The following ATP8A2 variants were observed in gnomAD, a reference collection of about 807,000 sequenced individuals.
ATP8A2 encodes the protein phospholipid-transporting ATPase IB.
ATP8A2 carries 100 observed loss-of-function variants against 165.6 expected under a neutral mutation model. That is an observed-to-expected ratio of 0.60 (90% confidence interval 0.51 to 0.71). ATP8A2 has a LOEUF of 0.71. Among genes scored for constraint, ATP8A2 ranks in the 30% least tolerant of loss-of-function variants. The probability of loss-of-function intolerance (pLI) is 0.00; values close to 1 mark genes in which losing one functional copy is unlikely to be tolerated. For missense variants in ATP8A2, 1,227 were observed against 1,479.5 expected (o/e 0.83, Z 2.80); for synonymous variants, 543 against 548.8 (o/e 0.99, Z 0.15).
chr13:25,794,974 G>A (rs920294496), intron 27 of ATP8A2, among the ~76,000 whole-genome samples: 6 of 151,726 alleles, frequency 4.0e-5, no homozygotes, highest in Admixed American at 2.0e-4. Flanking sequence ...TTGTAATCTC[G>A]GTAGCTCAGC....
At chr13:25,435,017 C>T (rs945993964) in intron 1 of ATP8A2, among the ~76,000 whole-genome samples, 2 of 152,062 alleles carry the variant, frequency 1.3e-5, no homozygotes, top group African/African-American at 4.8e-5. Context: ...TCTATGCATC[C>T]GTTCTGTGCT....
At chr13:25,980,028 A>G (rs981723771) in intron 35 of ATP8A2, among the ~76,000 whole-genome samples, 6 of 152,208 alleles carry the variant, frequency 3.9e-5, no homozygotes, top group Non-Finnish European at 5.9e-5. Context: ...GGAAAACCGT[A>G]TGTATTTTTA....
At chr13:25,820,958 T>A (rs923232520) in intron 27 of ATP8A2, among the ~76,000 whole-genome samples, 1 of 152,040 alleles carries the variant, frequency 6.6e-6, no homozygotes, top group Non-Finnish European at 1.5e-5. Context: ...TGTTTTTTTT[T>A]TTCTCTACCA....
At chr13:25,648,875 T>C (rs2041743861) in intron 24 of ATP8A2, 1 of 389,580 alleles carries the variant, frequency 2.6e-6, no homozygotes, top group Non-Finnish European at 5.0e-6. Context: ...CTTGATCTGC[T>C]GTTGGTTGAA....
chr13:25,543,167 C>A, intron 9 of ATP8A2, 124 bp from the exon 10 acceptor site: 1 of 583,132 alleles, frequency 1.7e-6, no homozygotes. Context: ...CTGTGTTTCT[C>A]AGTGAAGTAG....
intron 33 of ATP8A2, among the ~76,000 whole-genome samples, chr13:25,938,945 C>A (rs906874374): frequency 8.6e-5 from 13 of 151,918 alleles, no homozygotes; most frequent in African/African-American, 2.9e-4. Context: ...CTGGTTCAAG[C>A]GATTCTCTTG....
At chr13:25,583,529 C>T (rs1207593252) in intron 23 of ATP8A2, among the ~76,000 whole-genome samples, 1 of 152,124 alleles carries the variant, frequency 6.6e-6, no homozygotes, top group Non-Finnish European at 1.5e-5. Flanking sequence ...TGGATGTGCC[C>T]TGGCTGGAAA....
chr13:25,477,212 C>T (rs560455730), intron 2 of ATP8A2, among the ~76,000 whole-genome samples: 1 of 152,262 alleles, frequency 6.6e-6, no homozygotes, highest in Non-Finnish European at 1.5e-5. Context: ...TGTGCCATTT[C>T]CACTGTTTAA....
chr13:25,539,596 C>T lies in ATP8A2; in HGVS notation c.582-723C>T, dbSNP rs376270026. Among the ~76,000 whole-genome samples, 25 of 152,122 alleles carry T rather than the reference C, an allele frequency of 1.6e-4. No individual in the cohort carries two copies. In the East Asian group the frequency reaches 2.7e-3, roughly 16 times the overall value. ...TTTTGTACATGACAAGATTGAGATA[C>T]GGAGAGACTAAACAATTTGCCAAGG... is the stretch of plus-strand genomic sequence containing the variant. On this transcript the variant is annotated intron_variant, in intron 7 of 36. Coordinates refer to ENST00000381655, the MANE Select transcript of ATP8A2 (RefSeq NM_016529.6).
At chr13:25,838,696 A>G (rs1006914055) in intron 29 of ATP8A2, among the ~76,000 whole-genome samples, 14 of 152,092 alleles carry the variant, frequency 9.2e-5, no homozygotes, top group Admixed American at 7.9e-4. Context: ...CTCAAACTAT[A>G]TGATAATTTC....
chr13:25,882,997 C>T (rs1021316008), intron 33 of ATP8A2, among the ~76,000 whole-genome samples: 1 of 151,914 alleles, frequency 6.6e-6, no homozygotes, highest in Non-Finnish European at 1.5e-5. Flanking sequence ...ACAAGCTGGG[C>T]ACTTTATTCA....
intron 30 of ATP8A2, among the ~76,000 whole-genome samples, chr13:25,850,412 C>T (rs531183200): frequency 6.7e-6 from 1 of 149,884 alleles, no homozygotes; most frequent in Admixed American, 6.7e-5. Flanking sequence ...ACCTTTCCAC[C>T]TCCGCGCCCA....
intron 24 of ATP8A2, among the ~76,000 whole-genome samples, chr13:25,638,694 C>A (rs1044822933): frequency 1.3e-5 from 2 of 152,122 alleles, no homozygotes; most frequent in African/African-American, 4.8e-5. Context: ...AGGATGTTAT[C>A]CTGGAGAACT....
chr13:25,692,998 T>G (rs570781737), intron 24 of ATP8A2, among the ~76,000 whole-genome samples: 1 of 152,354 alleles, frequency 6.6e-6, no homozygotes, highest in African/African-American at 2.4e-5. Context: ...GGAATATTTT[T>G]TATCTTTCTG....
chr13:25,877,315 G>A (rs1952843407), intron 33 of ATP8A2, among the ~76,000 whole-genome samples: 1 of 152,184 alleles, frequency 6.6e-6, no homozygotes, highest in African/African-American at 2.4e-5. Flanking sequence ...GAAAGTTACA[G>A]TTTGGGTCCA....
intron 10 of ATP8A2, among the ~76,000 whole-genome samples, chr13:25,545,630 T>TTTTG (rs929546262): frequency 1.7e-4 from 26 of 152,274 alleles, no homozygotes; most frequent in African/African-American, 5.8e-4. Flanking sequence ...TACTTCTGGC[T>TTTTG]TTTGTTTGTT....
chr13:25,781,770 C>T lies in ATP8A2; in HGVS notation c.2679+6811C>T, dbSNP rs2044886107. Among the ~76,000 whole-genome samples, 4 of 152,154 alleles carry T rather than the reference C, an allele frequency of 2.6e-5. No homozygotes were observed. The South Asian group carries it at 8.3e-4, about 32-fold the overall frequency. ...GCCTCCTGAGCTGTTGAGATTACTA[C>T]AGGCGTGACCCCTTTGCCCGACCTT... On this transcript the variant is annotated intron_variant, in intron 27 of 36. Transcript: ENST00000381655.
At chr13:25,438,537 A>T (rs945879696) in intron 1 of ATP8A2, among the ~76,000 whole-genome samples, 1 of 152,078 alleles carries the variant, frequency 6.6e-6, no homozygotes, top group African/African-American at 2.4e-5. Flanking sequence ...GCTACTCTGG[A>T]GGCTGAGGTG....
intron 2 of ATP8A2, among the ~76,000 whole-genome samples, chr13:25,513,198 A>G (rs1179945253): frequency 6.7e-6 from 1 of 149,846 alleles, no homozygotes; most frequent in Non-Finnish European, 1.5e-5. Flanking sequence ...CTCACTTCTC[A>G]GACGGTGCGG....
Sources: allele counts gnomAD v4.1 joint callset (sites outside exome capture counted in the v4.1 genomes callset), GRCh38; gene constraint gnomAD v4.1.1; transcripts MANE v1.5; gene names NCBI Gene and HGNC (gene_info 2026-07-23, HGNC 2026-07-21).